The following NRXN3 variants were observed in gnomAD, a reference collection of about 807,000 sequenced individuals.
NRXN3 encodes the protein neurexin III.
Under a neutral mutation model 137.6 loss-of-function variants are expected in NRXN3, and 32 were observed. The observed-to-expected ratio is 0.23, with a 90% CI of 0.18 to 0.31. The LOEUF (loss-of-function observed/expected upper bound fraction) is 0.31, where lower values mean the gene tolerates loss of function less well. Among genes scored for constraint, NRXN3 ranks in the 10% least tolerant of loss-of-function variants. The pLI is 1.00. For synonymous variants in NRXN3, 798 were observed against 784.5 expected (o/e 1.02, Z -0.29); for missense variants, 1,574 against 2,062.5 (o/e 0.76, Z 4.59).
intron 15 of NRXN3, among the ~76,000 whole-genome samples, chr14:79,069,855 G>A (rs978562474): frequency 2.6e-5 from 4 of 152,156 alleles, no homozygotes; most frequent in Admixed American, 2.0e-4. Flanking sequence ...TCTAGGACAT[G>A]TATTATCAGG....
In NRXN3 at chr14:78,215,638, C is replaced by A. The variant is rs371789216; in HGVS notation, c.-703-26753C>A. Among the ~76,000 whole-genome samples, 59 of 152,136 alleles carry A rather than the reference C, an allele frequency of 3.9e-4. 1 individual carries two copies. In the East Asian group the frequency reaches 0.011, roughly 28 times the overall value. The stretch of plus-strand genomic sequence containing the variant: ...GGTCTTTATAAAGAGAAGAAAAATT[C>A]AACTGGAGTTCTGTTGGAACTGGGG... On this transcript the variant is annotated intron_variant, in intron 1 of 20. Coordinates refer to ENST00000335750, the MANE Select transcript of NRXN3 (RefSeq NM_001330195.2).
intron 15 of NRXN3, among the ~76,000 whole-genome samples, chr14:79,408,902 A>G (rs541859638): frequency 6.6e-6 from 1 of 152,242 alleles, no homozygotes; most frequent in South Asian, 2.1e-4. Context: ...ACATCATTAC[A>G]TTCAAGTAAA....
At chr14:79,236,482 G>A (rs1354429791) in intron 15 of NRXN3, among the ~76,000 whole-genome samples, 1 of 152,024 alleles carries the variant, frequency 6.6e-6, no homozygotes, top group Non-Finnish European at 1.5e-5. Context: ...AAATTTTCAA[G>A]TATATGAGAG....
chr14:79,674,690 A>G (rs2154002962), intron 17 of NRXN3, among the ~76,000 whole-genome samples: 1 of 152,230 alleles, frequency 6.6e-6, no homozygotes, highest in Admixed American at 6.6e-5. Context: ...CAAATGTACT[A>G]TTATTTCCTA....
chr14:78,306,128 A>T (rs1388792898), intron 4 of NRXN3, among the ~76,000 whole-genome samples: 1 of 152,228 alleles, frequency 6.6e-6, no homozygotes, highest in African/African-American at 2.4e-5. Flanking sequence ...TAAAATGTAC[A>T]ATGTATCAGT....
intron 16 of NRXN3, among the ~76,000 whole-genome samples, chr14:79,631,538 G>C (rs1288408362): frequency 3.3e-5 from 5 of 152,248 alleles, no homozygotes; most frequent in Admixed American, 3.3e-4. Flanking sequence ...ACTGGGCGCA[G>C]CCGGCTGATG....
chr14:78,803,461 C>T (rs1419229203), intron 8 of NRXN3, among the ~76,000 whole-genome samples, 159 bp from the exon 9 acceptor site: 1 of 152,176 alleles, frequency 6.6e-6, no homozygotes, highest in Non-Finnish European at 1.5e-5. Context: ...TGCCCAGCGT[C>T]ACACAGATTA....
intron 4 of NRXN3, among the ~76,000 whole-genome samples, chr14:78,587,358 C>T (rs1013915448): frequency 6.6e-5 from 10 of 152,186 alleles, no homozygotes; most frequent in African/African-American, 1.4e-4. Context: ...AACTTAGAGA[C>T]GCAAATCCTC....
intron 4 of NRXN3, among the ~76,000 whole-genome samples, chr14:78,551,457 G>A (rs963028471): frequency 1.3e-5 from 2 of 152,094 alleles, no homozygotes; most frequent in Non-Finnish European, 2.9e-5. Context: ...CTCCCAGGGA[G>A]GATCATTTTA....
In NRXN3 at chr14:78,797,047, A is replaced by G. The variant is rs144138070; in HGVS notation, c.2045-6573A>G. Among the ~76,000 whole-genome samples, 248 of 152,284 alleles carry G rather than the reference A, an allele frequency of 1.6e-3. 1 individual carries two copies. The highest frequency in any genetic ancestry group is 5.4e-3 in the African/African-American group (226 of 41,554). ...ACAACAGACAAAGGGCAAAAATCTA[A>G]CTGACCAAGGGGGCTTAAGTACAGT... On this transcript the variant is annotated intron_variant, in intron 8 of 20. Coordinates refer to ENST00000335750, the MANE Select transcript of NRXN3 (RefSeq NM_001330195.2).
chr14:79,657,723 T>C (rs1476343945), intron 16 of NRXN3, among the ~76,000 whole-genome samples: 1 of 152,222 alleles, frequency 6.6e-6, no homozygotes, highest in Non-Finnish European at 1.5e-5. Flanking sequence ...TAAAAGCCTC[T>C]GTTAGTCAAA....
intron 15 of NRXN3, among the ~76,000 whole-genome samples, chr14:79,062,087 C>T (rs2099674943): frequency 6.6e-6 from 1 of 152,156 alleles, no homozygotes; most frequent in Admixed American, 6.5e-5. Flanking sequence ...CTTTATTTAG[C>T]CACTGGCTAT....
chr14:78,259,936 G>A (rs968462744), intron 2 of NRXN3, among the ~76,000 whole-genome samples: 2 of 152,196 alleles, frequency 1.3e-5, no homozygotes, highest in Non-Finnish European at 2.9e-5. Flanking sequence ...CTAAGCAGAA[G>A]AGACTGAGGT....
At chr14:79,092,897 C>A (rs1317527989) in intron 15 of NRXN3, among the ~76,000 whole-genome samples, 2 of 152,104 alleles carry the variant, frequency 1.3e-5, no homozygotes, top group Admixed American at 1.3e-4. Flanking sequence ...GGGTCCCCAC[C>A]CTGTTACCTT....
At chr14:78,361,508 C>A (rs368666245) in intron 4 of NRXN3, among the ~76,000 whole-genome samples, 6 of 152,248 alleles carry the variant, frequency 3.9e-5, no homozygotes, top group African/African-American at 1.2e-4. Flanking sequence ...GGTCATCTCT[C>A]CTGTAGTTAA....
intron 15 of NRXN3, among the ~76,000 whole-genome samples, chr14:79,296,192 A>G (rs1229483560): frequency 6.6e-6 from 1 of 152,144 alleles, no homozygotes; most frequent in African/African-American, 2.4e-5. Context: ...TCTTTTACAA[A>G]AGGTGCTTAA....
At chr14:79,625,462 G>T (rs569149377) in intron 16 of NRXN3, among the ~76,000 whole-genome samples, 8 of 152,196 alleles carry the variant, frequency 5.3e-5, no homozygotes, top group African/African-American at 1.9e-4. Flanking sequence ...TTTCCTCTGG[G>T]TATACCCAGA....
At chr14:78,541,463 A>G (rs1201056868) in intron 4 of NRXN3, among the ~76,000 whole-genome samples, 1 of 152,184 alleles carries the variant, frequency 6.6e-6, no homozygotes, top group East Asian at 1.9e-4. Context: ...TTTCAGCTCC[A>G]TCAGGTCATT....
At chr14:79,389,146 T>C (rs2094752946) in intron 15 of NRXN3, among the ~76,000 whole-genome samples, 1 of 152,228 alleles carries the variant, frequency 6.6e-6, no homozygotes. Flanking sequence ...AAGTTGTGTC[T>C]TCCTTGGTGT....
Sources: allele counts gnomAD v4.1 joint callset (sites outside exome capture counted in the v4.1 genomes callset), GRCh38; gene constraint gnomAD v4.1.1; transcripts MANE v1.5; gene names NCBI Gene and HGNC (gene_info 2026-07-23, HGNC 2026-07-21).